Variants in LY86 observed in about 807,000 individuals in gnomAD.
LY86 encodes lymphocyte antigen 86.
Under a neutral mutation model 17.3 loss-of-function variants are expected in LY86, and 20 were observed. The ratio of observed to expected loss-of-function variants is 1.15; its 90% CI spans 0.81 to 1.68. The LOEUF (loss-of-function observed/expected upper bound fraction) is 1.68. LY86 is among the 40% of genes most tolerant of loss of function. The probability of loss-of-function intolerance (pLI) is 0.00; values close to 1 mark genes in which losing one functional copy is unlikely to be tolerated. For missense variants in LY86, 200 were observed against 191.9 expected, an observed-to-expected ratio of 1.04 and a Z score of -0.25; for synonymous variants, 74 against 70.6, an observed-to-expected ratio of 1.05 and a Z score of -0.24.
At chr6:6,593,846 G>C (rs1157329173) in intron 1 of LY86, among the ~76,000 whole-genome samples, 1 of 152,222 alleles carries the variant, frequency 6.6e-6, no homozygotes, top group Non-Finnish European at 1.5e-5. Context: ...CCTTGGTGCA[G>C]GTCAGGAAGC....
intron 1 of LY86, among the ~76,000 whole-genome samples, chr6:6,614,953 AGGGCT>A (rs1481966782): frequency 6.6e-6 from 1 of 152,162 alleles, no homozygotes; most frequent in Non-Finnish European, 1.5e-5. Context: ...CGGCTCATAA[AGGGCT>A]AAGCGGAGGC....
At chr6:6,614,962 C>G (rs984945143) in intron 1 of LY86, among the ~76,000 whole-genome samples, 2 of 152,110 alleles carry the variant, frequency 1.3e-5, no homozygotes, top group Non-Finnish European at 2.9e-5. Context: ...AAGGGCTAAG[C>G]GGAGGCGGCT....
chr6:6,600,075 T>C (rs1760850515), intron 1 of LY86, among the ~76,000 whole-genome samples: 2 of 152,198 alleles, frequency 1.3e-5, no homozygotes, highest in African/African-American at 4.8e-5. Flanking sequence ...CCTTTGAATA[T>C]GTAAGAGATC....
intron 3 of LY86, among the ~76,000 whole-genome samples, chr6:6,637,051 C>T (rs1477578872): frequency 6.8e-6 from 1 of 147,086 alleles, no homozygotes; most frequent in Non-Finnish European, 1.5e-5. Context: ...CGCTCTGTCG[C>T]CCAGGCTGGA....
intron 4 of LY86, among the ~76,000 whole-genome samples, chr6:6,650,014 T>C (rs1581254102): frequency 6.6e-6 from 1 of 152,244 alleles, no homozygotes; most frequent in East Asian, 1.9e-4. Context: ...TGGGGTTCCA[T>C]ATGGCAGTGC....
At chr6:6,623,141 A>G (rs772392522) in intron 1 of LY86, among the ~76,000 whole-genome samples, 11 of 152,214 alleles carry the variant, frequency 7.2e-5, no homozygotes, top group Non-Finnish European at 1.5e-4. Context: ...AGAGAATTTG[A>G]TATAGGAAGT....
rs372113276 is a variant in LY86, at chr6:6,605,814, CTCGCTGGCTGACTT to C, written c.136+16947_136+16960del. 4.2e-3 allele frequency among the ~76,000 whole-genome samples: 633 copies of C among 152,258 alleles called. 9 individuals carry two copies. In the East Asian group the frequency reaches 0.06, roughly 15 times the overall value. On this transcript the variant is annotated intron_variant, in intron 1 of 4. Coordinates refer to ENST00000230568, the MANE Select transcript of LY86 (RefSeq NM_004271.4). ...TCTTCCTTTTGGTGGGGTTCGTGGT[CTCGCTGGCTGACTT>C]TCCCGGTGAATGTTACAGCTCTTAA...
intron 3 of LY86, among the ~76,000 whole-genome samples, chr6:6,647,335 G>A (rs961739824): frequency 5.3e-5 from 8 of 151,938 alleles, no homozygotes; most frequent in South Asian, 2.1e-4. Context: ...AACAAATATG[G>A]TACAGTATCT....
chr6:6,642,557 C>T (rs1449807964), intron 3 of LY86, among the ~76,000 whole-genome samples: 2 of 152,226 alleles, frequency 1.3e-5, no homozygotes, highest in Non-Finnish European at 2.9e-5. Flanking sequence ...TGGGATCTAG[C>T]TACCGTGACA....
chr6:6,634,397 A>T (rs1761934657), intron 3 of LY86, among the ~76,000 whole-genome samples: 1 of 152,282 alleles, frequency 6.6e-6, no homozygotes, highest in South Asian at 2.1e-4. Flanking sequence ...CATTATAATG[A>T]GATGAATTTC....
At chr6:6,640,746 G>C (rs921486863) in intron 3 of LY86, among the ~76,000 whole-genome samples, 9 of 151,788 alleles carry the variant, frequency 5.9e-5, no homozygotes, top group African/African-American at 2.2e-4. Context: ...AAAAGAAAAA[G>C]AAAAGGAGGG....
chr6:6,600,452 G>A (rs1337685714), intron 1 of LY86, among the ~76,000 whole-genome samples: 2 of 151,894 alleles, frequency 1.3e-5, no homozygotes, highest in South Asian at 2.1e-4. Flanking sequence ...TTAGCCAGGT[G>A]TGGTGGTGGA....
chr6:6,639,235 C>A (rs1762004428), intron 3 of LY86, among the ~76,000 whole-genome samples: 2 of 152,162 alleles, frequency 1.3e-5, no homozygotes, highest in Admixed American at 6.5e-5. Flanking sequence ...TCTGGCCCAG[C>A]CCTAAACCCA....
At position 6,603,619 on chromosome 6, in the gene LY86, CAAA is replaced by C. The variant is rs758614233; in HGVS notation, c.136+14756_136+14758del. On this transcript the variant is annotated intron_variant, in intron 1 of 4. Coordinates refer to ENST00000230568, the MANE Select transcript of LY86 (RefSeq NM_004271.4). ...AAACAGAAACAGAAAAAAAAACAAA[CAAA>C]AAAAAACAAAACACACACACACACA... Among the ~76,000 whole-genome samples, 10 of 117,674 alleles carry C rather than the reference CAAA, an allele frequency of 8.5e-5. 1 individual carries two copies. The highest frequency in any genetic ancestry group is 1.2e-4 in the Non-Finnish European group (7 of 57,330). 77.2% of individuals were successfully genotyped at this position (117,674 alleles called of 152,430 possible). A position where few individuals can be genotyped will look rare whatever the true frequency, so the allele number is the denominator to read the frequency against.
chr6:6,603,340 A>G (rs1416723351), intron 1 of LY86, among the ~76,000 whole-genome samples: 1 of 143,300 alleles, frequency 7.0e-6, no homozygotes, highest in Non-Finnish European at 1.5e-5. Flanking sequence ...TGAACAGGAC[A>G]CTGGCAAAAG....
intron 1 of LY86, among the ~76,000 whole-genome samples, chr6:6,593,536 GAGA>G (rs1760597897): frequency 6.6e-6 from 1 of 152,238 alleles, no homozygotes; most frequent in South Asian, 2.1e-4. Context: ...AAGATTATGT[GAGA>G]AGGACTATAT....
At chr6:6,641,870 G>A (rs1011381839) in intron 3 of LY86, among the ~76,000 whole-genome samples, 4 of 152,258 alleles carry the variant, frequency 2.6e-5, no homozygotes, top group Admixed American at 6.5e-5. Flanking sequence ...AAGCCAGTAA[G>A]AGATGCATCA....
At chr6:6,596,714 G>A (rs1195092368) in intron 1 of LY86, among the ~76,000 whole-genome samples, 2 of 152,168 alleles carry the variant, frequency 1.3e-5, no homozygotes, top group Non-Finnish European at 2.9e-5. Flanking sequence ...AATGCTAGAT[G>A]AAAGTGAACG....
intron 1 of LY86, among the ~76,000 whole-genome samples, chr6:6,605,261 C>T (rs953501997): frequency 6.9e-6 from 1 of 144,646 alleles, no homozygotes; most frequent in Non-Finnish European, 1.5e-5. Flanking sequence ...AAACAATAAG[C>T]ATTATCACCT....
Sources: allele counts gnomAD v4.1 joint callset (sites outside exome capture counted in the v4.1 genomes callset), GRCh38; gene constraint gnomAD v4.1.1; transcripts MANE v1.5; gene names NCBI Gene and HGNC (gene_info 2026-07-23, HGNC 2026-07-21).